The following ITGB6 variants were observed in gnomAD, a reference collection of about 807,000 sequenced individuals.
ITGB6 encodes the protein integrin subunit beta 6, also known as integrin beta-6.
A neutral mutation model predicts 84.5 loss-of-function variants in ITGB6; 80 were observed. The observed-to-expected ratio is 0.95, with a 90% CI of 0.79 to 1.14. ITGB6 has a LOEUF of 1.14. Among genes scored for constraint, ITGB6 ranks in the 50% most tolerant of loss-of-function variants. ITGB6 has a pLI of 0.00. For synonymous variants in ITGB6, 383 were observed against 354.9 expected (o/e 1.08, Z -0.89); for missense variants, 1,006 against 968.0 (o/e 1.04, Z -0.52).
At chr2:160,107,575 A>C (rs1696957249) in intron 14 of ITGB6, 104 bp downstream of exon 14, 1 of 1,038,158 alleles carries the variant, frequency 9.6e-7, no homozygotes. Context: ...GAGAGAAAAA[A>C]TGTGACATTT....
In ITGB6 at chr2:160,138,334, A is replaced by G. The variant is rs4473342; in HGVS notation, c.1108-135T>C. 0.074 allele frequency: 56,543 copies of G among 759,330 alleles called. 4,825 individuals are homozygous for G. The highest frequency in any genetic ancestry group is 0.29 in the East Asian group (10,590 of 36,676). The allele number at this position is 759,330 out of a possible 1,614,324, so 47.0% of individuals were successfully genotyped here. A position where few individuals can be genotyped will look rare whatever the true frequency, so the allele number is the denominator to read the frequency against. On this transcript the variant is annotated intron_variant, in intron 8 of 14. Transcript: ENST00000283249. ...GGTGTCTAAAGAAATTCAGTATATCATCAATCAAAAGCAAGAAAGTGAGCA... is the reference window on the plus strand; with the variant it reads ...GGTGTCTAAAGAAATTCAGTATATCGTCAATCAAAAGCAAGAAAGTGAGCA...
chr2:160,188,414 A>G (rs1685990662), intron 4 of ITGB6, among the ~76,000 whole-genome samples: 1 of 152,126 alleles, frequency 6.6e-6, no homozygotes, highest in Non-Finnish European at 1.5e-5. Flanking sequence ...TCTTCAGAAA[A>G]TAGGACATAT....
In ITGB6 at chr2:160,100,246, C is replaced by T. The variant is rs1016051180; in HGVS notation, c.*1490G>A. Reference sequence around the variant, plus strand: ...ATTCAATGGACAACCACGAAGCCTCCACTACATAATGAACTATTCACCTAG... The same window carrying T: ...ATTCAATGGACAACCACGAAGCCTCTACTACATAATGAACTATTCACCTAG... On this transcript the variant is annotated 3_prime_UTR_variant, in exon 15 of 15. Coordinates refer to ENST00000283249, the MANE Select transcript of ITGB6 (RefSeq NM_000888.5). The T allele has an allele frequency of 6.6e-6, 1 of 152,180 alleles. No individual in the cohort carries two copies. Among genetic ancestry groups the T allele is most frequent in the African/African-American group, 2.4e-5 (1 of 41,440 alleles). 9.4% of individuals were successfully genotyped at this position (152,180 alleles called of 1,614,324 possible). A position where few individuals can be genotyped will look rare whatever the true frequency, so the allele number is the denominator to read the frequency against.
At chr2:160,189,999 A>G (rs574178458) in intron 4 of ITGB6, among the ~76,000 whole-genome samples, 1 of 152,296 alleles carries the variant, frequency 6.6e-6, no homozygotes, top group South Asian at 2.1e-4. Context: ...TGTGGCACAT[A>G]TACACCATGG....
intron 4 of ITGB6, among the ~76,000 whole-genome samples, chr2:160,192,201 C>T (rs1332489188): frequency 1.3e-5 from 2 of 152,108 alleles, no homozygotes; most frequent in African/African-American, 2.4e-5. Context: ...AGGATTTATG[C>T]TCCTGATTTC....
chr2:160,139,575 A>ACCC (rs1559141124), intron 8 of ITGB6, among the ~76,000 whole-genome samples: 3 of 152,220 alleles, frequency 2.0e-5, no homozygotes, highest in Non-Finnish European at 2.9e-5. Flanking sequence ...CTGTGACAGC[A>ACCC]ATTATGAGGA....
In ITGB6 at chr2:160,138,115, T is replaced by C. The variant is rs764634066; in HGVS notation, c.1192A>G (p.Thr398Ala). 3.7e-6 allele frequency: 6 copies of C among 1,613,842 alleles called. No homozygotes were observed. In the Admixed American group the frequency reaches 1.0e-4, roughly 27 times the overall value. Reference protein sequence around the residue: ...LSFTAICNNGTLFQHQKKCSH... With the variant: ...LSFTAICNNGALFQHQKKCSH... Reference sequence around the variant, plus strand: ...CATTTCTTTTGGTGTTGGAAGAGGGTACCGTTGTTACAGATGGCTGTAAAT... The same window carrying C: ...CATTTCTTTTGGTGTTGGAAGAGGGCACCGTTGTTACAGATGGCTGTAAAT... Residue 398 changes from threonine to alanine, a missense_variant, in exon 9 of 15, where the codon ACC becomes GCC. Thr to Ala is a moderately conservative substitution (Grantham distance 58). Transcript: ENST00000283249.
intron 6 of ITGB6, 119 bp downstream of exon 6, chr2:160,172,450 A>G (rs1559193752): frequency 1.0e-6 from 1 of 990,922 alleles, no homozygotes; most frequent in Non-Finnish European, 1.5e-6. Flanking sequence ...TGTTAATCCC[A>G]CATTAGAAAA....
At chr2:160,198,801 A>G (rs1487201297) in intron 2 of ITGB6, among the ~76,000 whole-genome samples, 1 of 152,246 alleles carries the variant, frequency 6.6e-6, no homozygotes, top group African/African-American at 2.4e-5. Flanking sequence ...ATACAACTAT[A>G]ATATGAACAT....
At chr2:160,147,838 C>T (rs1187020434) in intron 7 of ITGB6, among the ~76,000 whole-genome samples, 1 of 152,012 alleles carries the variant, frequency 6.6e-6, no homozygotes, top group Non-Finnish European at 1.5e-5. Context: ...GATCACAGAC[C>T]TAAATGTAAA....
intron 2 of ITGB6, among the ~76,000 whole-genome samples, chr2:160,198,615 A>G (rs1031693291): frequency 2.0e-5 from 3 of 152,296 alleles, no homozygotes; most frequent in Middle Eastern, 3.4e-3. Context: ...GTTTGACCAG[A>G]TAAGGAGTTC....
intron 14 of ITGB6, among the ~76,000 whole-genome samples, chr2:160,104,870 G>T (rs1420151004): frequency 6.6e-6 from 1 of 152,162 alleles, no homozygotes; most frequent in Non-Finnish European, 1.5e-5. Context: ...TGTTTTAGGA[G>T]GTAGGAGTGA....
intron 12 of ITGB6, among the ~76,000 whole-genome samples, chr2:160,121,323 A>G (rs1683028528): frequency 6.6e-6 from 1 of 152,214 alleles, no homozygotes; most frequent in African/African-American, 2.4e-5. Context: ...TTAAATGTAT[A>G]ACAACTCTCA....
intron 7 of ITGB6, among the ~76,000 whole-genome samples, chr2:160,145,146 A>T (rs1684141966): frequency 6.6e-6 from 1 of 152,222 alleles, no homozygotes; most frequent in South Asian, 2.1e-4. Context: ...TGTTAGAAAA[A>T]GGATGATTTT....
chr2:160,150,201 C>T lies in ITGB6; in HGVS notation c.1018-8130G>A, dbSNP rs191087008. Among the ~76,000 whole-genome samples the T allele has an allele frequency of 5.3e-5, 8 of 152,242 alleles. 1 individual carries two copies. In the East Asian group the frequency reaches 1.5e-3, roughly 29 times the overall value. On this transcript the variant is annotated intron_variant, in intron 7 of 14. Transcript: ENST00000283249. ...TGAATGAAAAAGTGTTAAGGACAGC[C>T]AGAGAGAAAGGTCAGTTTACCCACA...
At chr2:160,117,154 C>T (rs1369231525) in intron 12 of ITGB6, among the ~76,000 whole-genome samples, 1 of 151,948 alleles carries the variant, frequency 6.6e-6, no homozygotes, top group Non-Finnish European at 1.5e-5. Context: ...CAGCTCTGCA[C>T]CAAGCGGACC....
chr2:160,158,069 A>G (rs1048806985), intron 7 of ITGB6, among the ~76,000 whole-genome samples: 2 of 152,160 alleles, frequency 1.3e-5, no homozygotes, highest in African/African-American at 4.8e-5. Flanking sequence ...AGAACATGTA[A>G]TTGTTCCTGG....
chr2:160,127,340 T>C (rs1308784060), intron 10 of ITGB6, among the ~76,000 whole-genome samples: 1 of 152,214 alleles, frequency 6.6e-6, no homozygotes, highest in African/African-American at 2.4e-5. Context: ...TTCATCTGCA[T>C]AATAAGAACC....
intron 7 of ITGB6, among the ~76,000 whole-genome samples, chr2:160,162,630 T>G (rs1684862883): frequency 6.6e-6 from 1 of 152,176 alleles, no homozygotes; most frequent in Admixed American, 6.5e-5. Flanking sequence ...ATTATTATTA[T>G]TTTTTGAGAT....
Sources: allele counts gnomAD v4.1 joint callset (sites outside exome capture counted in the v4.1 genomes callset), GRCh38; gene constraint gnomAD v4.1.1; transcripts MANE v1.5; gene names NCBI Gene and HGNC (gene_info 2026-07-23, HGNC 2026-07-21).